The following PDSS2 variants were observed in gnomAD, a reference collection of about 807,000 sequenced individuals.
The protein encoded by PDSS2 is decaprenyl diphosphate synthase subunit 2, also known as all trans-polyprenyl-diphosphate synthase PDSS2.
A neutral mutation model predicts 44.5 loss-of-function variants in PDSS2; 31 were observed. That is an observed-to-expected ratio of 0.70 (90% CI 0.52 to 0.94). The LOEUF (loss-of-function observed/expected upper bound fraction) is 0.94. PDSS2 is among the 40% of genes least tolerant of loss of function. The probability of loss-of-function intolerance (pLI) is 0.00; values close to 1 mark genes in which losing one functional copy is unlikely to be tolerated. For missense variants in PDSS2, 452 were observed against 482.2 expected (o/e 0.94, Z 0.59); for synonymous variants, 157 against 180.3 (o/e 0.87, Z 1.03).
rs1227063724 is a variant in PDSS2 at position 107,297,608 on chromosome 6, C to T, written c.432-23381G>A. Among the ~76,000 whole-genome samples the T allele has an allele frequency of 3.3e-5, 5 of 151,986 alleles. No individual in the cohort carries two copies. The East Asian group carries it at 9.7e-4, about 29-fold the overall frequency. On this transcript the variant is annotated intron_variant, in intron 2 of 7. Transcript: ENST00000369037. Reference sequence around the variant, plus strand: ...TGTTGGCCAGGCTGGTCTCGAACTCCTGGCCTCATGATCCACCCGCCTCGG... The same window carrying T: ...TGTTGGCCAGGCTGGTCTCGAACTCTTGGCCTCATGATCCACCCGCCTCGG...
chr6:107,251,437 C>T (rs182614512), intron 3 of PDSS2, among the ~76,000 whole-genome samples: 193 of 152,248 alleles, frequency 1.3e-3, no homozygotes, highest in Non-Finnish European at 2.0e-3. Context: ...GTGAATAACA[C>T]GGCACCCCTC....
At chr6:107,264,222 G>A (rs1322653807) in intron 3 of PDSS2, 7 of 1,226,242 alleles carry the variant, frequency 5.7e-6, no homozygotes, top group Non-Finnish European at 7.4e-6. Flanking sequence ...TATAGATGGT[G>A]TAAAGGGAGA....
chr6:107,431,947 T>C (rs1781206236), intron 1 of PDSS2, among the ~76,000 whole-genome samples: 1 of 152,234 alleles, frequency 6.6e-6, no homozygotes, highest in Non-Finnish European at 1.5e-5. Flanking sequence ...ATTCAGGTAC[T>C]AGTAGGCTCA....
In PDSS2 at chr6:107,224,922, G is replaced by A. The variant is rs79483465; in HGVS notation, c.703-12640C>T. The stretch of plus-strand genomic sequence containing the variant: ...CTGGTTCTGGCTCATGGTTTCTCGT[G>A]AGGTTGCAGTCATGCTGTTGGCCAC... On this transcript the variant is annotated intron_variant, in intron 4 of 7. Coordinates refer to ENST00000369037, the MANE Select transcript of PDSS2 (RefSeq NM_020381.4). 1.1e-3 allele frequency among the ~76,000 whole-genome samples: 164 copies of A among 149,636 alleles called. 7 individuals carry two copies. Among genetic ancestry groups the A allele is most frequent in the African/African-American group, 3.9e-3 (154 of 39,352 alleles).
chr6:107,302,774 C>T (rs1467218179), intron 2 of PDSS2, among the ~76,000 whole-genome samples: 1 of 151,200 alleles, frequency 6.6e-6, no homozygotes, highest in African/African-American at 2.4e-5. Context: ...TAGCCGTCAA[C>T]TGCATGTAGC....
chr6:107,223,075 A>G (rs1355525024), intron 4 of PDSS2, among the ~76,000 whole-genome samples: 1 of 151,182 alleles, frequency 6.6e-6, no homozygotes, highest in Non-Finnish European at 1.5e-5. Context: ...CAGCCTCCTG[A>G]GTAGCTGGGA....
At chr6:107,357,384 T>C (rs72939879) in intron 1 of PDSS2, among the ~76,000 whole-genome samples, 10,451 of 152,224 alleles carry the variant, frequency 0.069, 430 homozygotes, top group Non-Finnish European at 0.091. Context: ...CAGAGTCTAA[T>C]TTAATATAAA....
intron 7 of PDSS2, among the ~76,000 whole-genome samples, chr6:107,174,061 C>T (rs139642406): frequency 2.6e-5 from 4 of 152,212 alleles, no homozygotes; most frequent in African/African-American, 7.2e-5. Flanking sequence ...AGCACACGGA[C>T]GGTCAACTAA....
At chr6:107,199,300 T>C (rs895811906) in intron 6 of PDSS2, among the ~76,000 whole-genome samples, 5 of 152,196 alleles carry the variant, frequency 3.3e-5, no homozygotes, top group African/African-American at 1.2e-4. Context: ...ATTGACTGAC[T>C]GTTTGATTGG....
chr6:107,174,725 A>C (rs1481745718), intron 7 of PDSS2, among the ~76,000 whole-genome samples: 3 of 152,242 alleles, frequency 2.0e-5, no homozygotes, highest in Non-Finnish European at 4.4e-5. Flanking sequence ...GATCTTAATT[A>C]AACATCTTAA....
intron 7 of PDSS2, among the ~76,000 whole-genome samples, chr6:107,172,086 A>G (rs1771599509): frequency 6.6e-6 from 1 of 152,250 alleles, no homozygotes; most frequent in Admixed American, 6.5e-5. Context: ...CCTGAAATAA[A>G]TTAAGTCCAA....
At chr6:107,293,660 G>A (rs1436111287) in intron 2 of PDSS2, among the ~76,000 whole-genome samples, 1 of 152,136 alleles carries the variant, frequency 6.6e-6, no homozygotes, top group Non-Finnish European at 1.5e-5. Context: ...TATGAAAACT[G>A]CTTCAGGCAC....
rs71991148 is a variant in PDSS2 at position 107,299,146 on chromosome 6, CAAAAA to C, written c.432-24924_432-24920del. ...TGGGTGACAAAGTGAGACCCTGTCT[CAAAAA>C]AAAAAAAAAAAAAAAAAAGAAACAA... On this transcript the variant is annotated intron_variant, in intron 2 of 7. Transcript: ENST00000369037. Among the ~76,000 whole-genome samples, 4 of 53,492 alleles carry C rather than the reference CAAAAA, an allele frequency of 7.5e-5. No homozygotes were observed. The South Asian group carries it at 3.8e-3, about 51-fold the overall frequency. 35.1% of individuals were successfully genotyped at this position (53,492 alleles called of 152,430 possible).
Position 107,306,472 on chromosome 6 carries a change from C to T in PDSS2, c.431+27726G>A, listed in dbSNP as rs575350038. On this transcript the variant is annotated intron_variant, in intron 2 of 7. Coordinates refer to ENST00000369037, the MANE Select transcript of PDSS2 (RefSeq NM_020381.4). ...TGGAACTGTAAGTCCAATCAAACCT[C>T]TTTCCTTTGTAAATTGCCCAGACTT... Among the ~76,000 whole-genome samples, 4 of 152,316 alleles carry T rather than the reference C, an allele frequency of 2.6e-5. 1 individual carries two copies. Among genetic ancestry groups the T allele is most frequent in the African/African-American group, 7.2e-5 (3 of 41,564 alleles).
chr6:107,257,400 A>G lies in PDSS2; in HGVS notation c.631-11781T>C, dbSNP rs565277187. 2.0e-3 allele frequency among the ~76,000 whole-genome samples: 297 copies of G among 147,940 alleles called. 2 individuals are homozygous for G. Among genetic ancestry groups the G allele is most frequent in the African/African-American group, 6.8e-3 (273 of 39,984 alleles). ...AAAAACTTCAAAAAATTAACAAGGC[A>G]TGGTGTCTTGCGCTGTAGTCCCAGC... On this transcript the variant is annotated intron_variant, in intron 3 of 7. Coordinates refer to ENST00000369037, the MANE Select transcript of PDSS2 (RefSeq NM_020381.4).
intron 4 of PDSS2, among the ~76,000 whole-genome samples, chr6:107,242,487 G>A (rs750354237): frequency 6.6e-6 from 1 of 151,906 alleles, no homozygotes; most frequent in Non-Finnish European, 1.5e-5. Flanking sequence ...CTCGTGATCC[G>A]CCTGCCTTGG....
chr6:107,349,652 G>A (rs1217307351), intron 1 of PDSS2, among the ~76,000 whole-genome samples: 1 of 152,006 alleles, frequency 6.6e-6, no homozygotes, highest in Non-Finnish European at 1.5e-5. Flanking sequence ...GGGAGGCTGA[G>A]GCAGGAGAAA....
chr6:107,293,222 C>T (rs1048517718), intron 2 of PDSS2, among the ~76,000 whole-genome samples: 6 of 152,170 alleles, frequency 3.9e-5, no homozygotes, highest in African/African-American at 1.4e-4. Flanking sequence ...AGTGACGGCT[C>T]ATTTCCCCTG....
intron 1 of PDSS2, among the ~76,000 whole-genome samples, chr6:107,438,910 T>C (rs541972170): frequency 6.6e-6 from 1 of 152,270 alleles, no homozygotes; most frequent in South Asian, 2.1e-4. Context: ...GCACACCTAG[T>C]TTTCAGATGT....
Sources: gnomAD v4.1 joint callset for allele counts (sites outside exome capture counted in the v4.1 genomes callset) on GRCh38, gnomAD v4.1.1 for gene constraint, MANE v1.5 for transcripts, NCBI Gene and HGNC (gene_info 2026-07-23, HGNC 2026-07-21) for gene names.